Variants in RIOK1 observed in about 807,000 individuals in gnomAD.
The protein encoded by RIOK1 is serine/threonine-protein kinase RIO1.
A neutral mutation model predicts 73.5 loss-of-function variants in RIOK1; 66 were observed. That is an observed-to-expected ratio of 0.90 (90% CI 0.74 to 1.10). RIOK1 has a LOEUF of 1.10. Among genes scored for constraint, RIOK1 ranks in the 50% least tolerant of loss-of-function variants. The pLI, the probability that RIOK1 is intolerant of heterozygous loss-of-function variation, is 0.00. For missense variants in RIOK1, 658 were observed against 699.8 expected, an observed-to-expected ratio of 0.94 and a Z score of 0.67; for synonymous variants, 224 against 226.8, an observed-to-expected ratio of 0.99 and a Z score of 0.11.
At chr6:7,397,921 C>T (rs1281649929) in intron 4 of RIOK1, among the ~76,000 whole-genome samples, 1 of 152,134 alleles carries the variant, frequency 6.6e-6, no homozygotes, top group Non-Finnish European at 1.5e-5. Flanking sequence ...GCGGGCGGAT[C>T]ACAAGGTCAG....
At chr6:7,409,815 A>AAC (rs1561880624) in intron 12 of RIOK1, among the ~76,000 whole-genome samples, 3 of 143,126 alleles carry the variant, frequency 2.1e-5, no homozygotes, top group Admixed American at 7.0e-5. Flanking sequence ...AAAAAAAAAA[A>AAC]CCTCTGCTCC....
intron 4 of RIOK1, 115 bp downstream of exon 4, chr6:7,396,887 A>AT (rs1761487761): frequency 4.1e-5 from 21 of 509,704 alleles, no homozygotes; most frequent in Non-Finnish European, 5.8e-5. Flanking sequence ...ACCAATCATT[A>AT]TTTTGGTGTG....
At chr6:7,416,492 CA>C (rs1267441480) in intron 16 of RIOK1, among the ~76,000 whole-genome samples, 1 of 151,904 alleles carries the variant, frequency 6.6e-6, no homozygotes, top group Non-Finnish European at 1.5e-5. Flanking sequence ...ACTAAAAATA[CA>C]AAAAATTAGC....
At chr6:7,392,147 T>G (rs1459095635) in intron 1 of RIOK1, among the ~76,000 whole-genome samples, 1 of 151,552 alleles carries the variant, frequency 6.6e-6, no homozygotes, top group Non-Finnish European at 1.5e-5. Context: ...AAATTGACTA[T>G]GCCAGTGAAG....
rs201042580 is a variant in RIOK1, at chr6:7,402,698, T to C, written c.669T>C (p.Tyr223=). ...TGGTGTTCAAAGATCGGGATAAATA[T>C]GTAAGTGGAGAATTCAGGTAAGTTC... ...SILVFKDRDK[Y]VSGEFRFRHG... is the part of the protein sequence containing the mutation. The change falls in exon 7 of 17, where the codon TAT becomes TAC. Residue 223 remains tyrosine (Y), a synonymous_variant. Transcript: ENST00000379834. 110 of 1,611,126 alleles carry C rather than the reference T, an allele frequency of 6.8e-5. 1 individual carries two copies. The Admixed American group carries it at 1.5e-3, about 21-fold the overall frequency.
intron 1 of RIOK1, 104 bp from the exon 2 acceptor site, chr6:7,392,994 CT>C: frequency 7.6e-7 from 1 of 1,316,582 alleles, no homozygotes; most frequent in Non-Finnish European, 1.0e-6. Context: ...AATATATAAT[CT>C]TTTAGATTTA....
At position 7,405,230 on chromosome 6, in the gene RIOK1, A is replaced by G. The variant is rs1339327194; in HGVS notation, c.1097-19A>G. ...TTTTTCCTCATAAAAGCTGTCATTA[A>G]CGTTTTTCCTTCTGACAGATTTCTT... On this transcript the variant is annotated intron_variant, in intron 11 of 16. Coordinates refer to ENST00000379834, the MANE Select transcript of RIOK1 (RefSeq NM_031480.3). 3 of 1,507,434 alleles carry G rather than the reference A, an allele frequency of 2.0e-6. No homozygotes were observed. The South Asian group carries it at 3.4e-5, about 17-fold the overall frequency. 93.4% of individuals were successfully genotyped at this position (1,507,434 alleles called of 1,614,324 possible). A position where few individuals can be genotyped will look rare whatever the true frequency, so the allele number is the denominator to read the frequency against.
At position 7,403,952 on chromosome 6, in the gene RIOK1, C is replaced by T. The variant is rs375830467; in HGVS notation, c.779C>T (p.Ala260Val). 2 of 1,610,714 alleles carry T rather than the reference C, an allele frequency of 1.2e-6. No individual in the cohort carries two copies. Among genetic ancestry groups the T allele is most frequent in the South Asian group, 1.1e-5 (1 of 90,974 alleles). The change falls in exon 9 of 17, where the codon GCA becomes GTA. Residue 260 changes from alanine (A) to valine (V), a missense_variant. Ala to Val is a moderately conservative substitution (Grantham distance 64). Coordinates refer to ENST00000379834, the MANE Select transcript of RIOK1 (RefSeq NM_031480.3). ...EMRNLIRLNT[A>V]EIPCPEPIML... is the part of the protein sequence containing the mutation. ...TTATAATATCACAGGCTAAACACAG[C>T]AGAGATACCATGTCCAGAACCAATA...
chr6:7,396,915 G>GTGTGTGTC (rs1037806952), intron 4 of RIOK1, 143 bp downstream of exon 4: 3 of 537,970 alleles, frequency 5.6e-6, no homozygotes, highest in Non-Finnish European at 1.0e-5. Context: ...GTGTGTGTGT[G>GTGTGTGTC]TGTGTTTTCC....
chr6:7,399,398 T>G (rs953416044), intron 5 of RIOK1, among the ~76,000 whole-genome samples: 3 of 152,186 alleles, frequency 2.0e-5, no homozygotes, highest in African/African-American at 7.2e-5. Flanking sequence ...GTCTGTGTCT[T>G]CATTGTCCCC....
intron 2 of RIOK1, among the ~76,000 whole-genome samples, chr6:7,394,604 A>G (rs1761425530): frequency 1.3e-5 from 2 of 152,330 alleles, no homozygotes; most frequent in East Asian, 3.9e-4. Flanking sequence ...AAGTTTGCGC[A>G]TAGCACCAGC....
At chr6:7,408,979 C>T (rs1220688505) in intron 12 of RIOK1, among the ~76,000 whole-genome samples, 1 of 151,638 alleles carries the variant, frequency 6.6e-6, no homozygotes, top group Non-Finnish European at 1.5e-5. Context: ...CCTCGGCCTC[C>T]CAAAGTGCTG....
chr6:7,410,466 C>A lies in RIOK1; in HGVS notation c.1269+15C>A, dbSNP rs755911433. ...TGGATGAAGAGGTAGGATTTATTAT[C>A]TATTCACAGCCTTTGGAAACACTTG... is the stretch of plus-strand genomic sequence containing the variant. On this transcript the variant is annotated intron_variant, in intron 13 of 16. Coordinates refer to ENST00000379834, the MANE Select transcript of RIOK1 (RefSeq NM_031480.3). 6.4e-6 allele frequency: 10 copies of A among 1,572,948 alleles called. No homozygotes were observed. The highest frequency in any genetic ancestry group is 8.7e-6 in the Non-Finnish European group (10 of 1,146,628).
rs539584287 is a variant in RIOK1 at position 7,398,703 on chromosome 6, G to A, written c.443G>A (p.Arg148His). 9.9e-6 allele frequency: 16 copies of A among 1,611,834 alleles called. No homozygotes were observed. The highest frequency in any genetic ancestry group is 5.5e-5 in the South Asian group (5 of 90,732). ...ACGTTTTTGTTTTTGGTTAGGTATC[G>A]CATCAAAGATAAGGCAGACAGAGCA... is the stretch of plus-strand genomic sequence containing the variant. ...KSRQKEADMY[R>H]IKDKADRATV... The change falls in exon 5 of 17, where the codon CGC (arginine) becomes CAC (histidine). Residue 148 changes from arginine (R) to histidine (H), a missense_variant. By Grantham distance (29) the Arg-to-His change is conservative. Coordinates refer to ENST00000379834, the MANE Select transcript of RIOK1 (RefSeq NM_031480.3).
At chr6:7,391,763 C>G (rs1004173404) in intron 1 of RIOK1, among the ~76,000 whole-genome samples, 3 of 152,168 alleles carry the variant, frequency 2.0e-5, no homozygotes, top group African/African-American at 7.2e-5. Context: ...GCTAAAAATC[C>G]TACAGTGCAG....
At chr6:7,392,458 G>T (rs1761365152) in intron 1 of RIOK1, among the ~76,000 whole-genome samples, 1 of 151,224 alleles carries the variant, frequency 6.6e-6, no homozygotes, top group Non-Finnish European at 1.5e-5. Flanking sequence ...ATTGCAAAGT[G>T]TTATCGAGTT....
At chr6:7,412,003 C>G (rs970182556) in intron 14 of RIOK1, among the ~76,000 whole-genome samples, 4 of 152,194 alleles carry the variant, frequency 2.6e-5, no homozygotes, top group African/African-American at 9.7e-5. Context: ...TAATATTTCA[C>G]TTAATTGGGG....
intron 12 of RIOK1, among the ~76,000 whole-genome samples, chr6:7,408,458 T>C (rs1174419636): frequency 6.6e-6 from 1 of 152,190 alleles, no homozygotes. Context: ...TAGAAAGCTC[T>C]CTGGAGGGGT....
chr6:7,410,708 G>T (rs1367126014), intron 13 of RIOK1, among the ~76,000 whole-genome samples: 1 of 152,160 alleles, frequency 6.6e-6, no homozygotes, highest in Non-Finnish European at 1.5e-5. Flanking sequence ...AGCCTGTTAG[G>T]ATATAGGCGT....
Sources: allele counts gnomAD v4.1 joint callset (sites outside exome capture counted in the v4.1 genomes callset), GRCh38; gene constraint gnomAD v4.1.1; transcripts MANE v1.5; gene names NCBI Gene and HGNC (gene_info 2026-07-23, HGNC 2026-07-21).